The following CCDC57 variants were observed in gnomAD, a reference collection of about 807,000 sequenced individuals.
The protein encoded by CCDC57 is coiled-coil domain-containing protein 57.
A neutral mutation model predicts 118.9 loss-of-function variants in CCDC57; 118 were observed. That is an observed-to-expected ratio of 0.99 (90% confidence interval 0.86 to 1.16). CCDC57 has a LOEUF of 1.16. CCDC57 is among the 50% of genes most tolerant of loss of function. The probability of loss-of-function intolerance (pLI) is 0.00; values close to 1 mark genes in which losing one functional copy is unlikely to be tolerated. For synonymous variants in CCDC57, 527 were observed against 532.9 expected, an observed-to-expected ratio of 0.99 and a Z score of 0.15; for missense variants, 1,300 against 1,320.7, an observed-to-expected ratio of 0.98 and a Z score of 0.24.
At chr17:82,113,573 C>T (rs143943969) in intron 19 of CCDC57, 44 of 717,538 alleles carry the variant, frequency 6.1e-5, no homozygotes, top group African/African-American at 6.1e-4. Flanking sequence ...CATTCCCCCT[C>T]GCATTCCTGG....
In CCDC57 at chr17:82,212,766, C is replaced by CACCTCACCCTAA. The variant is rs1568520642; in HGVS notation, c.-211+18_-211+19insTTAGGGTGAGGT. 3 of 152,256 alleles carry CACCTCACCCTAA rather than the reference C, an allele frequency of 2.0e-5. No individual in the cohort carries two copies. Among genetic ancestry groups the CACCTCACCCTAA allele is most frequent in the Admixed American group, 1.3e-4 (2 of 15,268 alleles). The allele number at this position is 152,256 out of a possible 1,614,324, so 9.4% of individuals were successfully genotyped here. The stretch of plus-strand genomic sequence containing the variant: ...CCCCACGCCTCCCACGCCTCCCACG[C>CACCTCACCCTAA]CGCCCGCCCGCACCTCACCCTAACG... On this transcript the variant is annotated intron_variant, in intron 1 of 19. Transcript: ENST00000665763. This position sits in a 1 kb window ranked among gnomAD's most constrained non-coding sequence, Gnocchi z 4.1.
intron 19 of CCDC57, among the ~76,000 whole-genome samples, chr17:82,109,641 A>G (rs1464744158): frequency 6.6e-6 from 1 of 152,024 alleles, no homozygotes; most frequent in Non-Finnish European, 1.5e-5. Flanking sequence ...GTGGATCACG[A>G]GGTCAGGAGA....
chr17:82,113,831 A>G, intron 19 of CCDC57: 1 of 602,694 alleles, frequency 1.7e-6, no homozygotes, highest in Non-Finnish European at 3.0e-6. Context: ...CTGTAGTCTC[A>G]GCTACTCAGG....
chr17:82,143,499 C>T (rs2040302914), intron 16 of CCDC57, among the ~76,000 whole-genome samples: 1 of 150,938 alleles, frequency 6.6e-6, no homozygotes, highest in Non-Finnish European at 1.5e-5. Flanking sequence ...CACACACACC[C>T]CACACGTGCA....
intron 15 of CCDC57, chr17:82,153,361 A>G (rs2042296832): frequency 6.6e-6 from 1 of 152,188 alleles, no homozygotes; most frequent in African/African-American, 2.4e-5. Flanking sequence ...GATTTTGCAA[A>G]CCTCAAAACA....
intron 4 of CCDC57, among the ~76,000 whole-genome samples, chr17:82,196,911 C>T (rs35104231): frequency 0.43 from 49,290 of 115,206 alleles, 11,845 homozygotes; most frequent in East Asian, 0.86. Context: ...CGCAGCCCCT[C>T]GTGACTCCTG....
At chr17:82,106,068 C>T (rs564591443) in intron 19 of CCDC57, among the ~76,000 whole-genome samples, 28 of 152,378 alleles carry the variant, frequency 1.8e-4, no homozygotes, top group African/African-American at 5.5e-4. Context: ...ACTCCCCCAA[C>T]GGCACTGGCA....
intron 16 of CCDC57, among the ~76,000 whole-genome samples, chr17:82,138,764 G>A (rs2039635743): frequency 6.6e-6 from 1 of 151,086 alleles, no homozygotes; most frequent in African/African-American, 2.4e-5. Flanking sequence ...CTGAGGAACT[G>A]TGTGCTGTGC....
At chr17:82,151,707 C>A (rs1276114641) in exon 16 of CCDC57, 2 of 1,550,304 alleles carry the variant, frequency 1.3e-6, no homozygotes, top group East Asian at 4.9e-5. Context: ...GCACGTGCCA[C>A]TGACCGGAGG....
At chr17:82,153,534 T>C (rs985378222) in intron 15 of CCDC57, 1 of 152,188 alleles carries the variant, frequency 6.6e-6, no homozygotes, top group African/African-American at 2.4e-5. Context: ...AGGGCCCATG[T>C]CCTAGTCACG....
At chr17:82,199,478 A>C (rs1432754912) in intron 3 of CCDC57, among the ~76,000 whole-genome samples, 5 of 103,998 alleles carry the variant, frequency 4.8e-5, no homozygotes, top group African/African-American at 1.9e-4. Context: ...ACTCTGTCTC[A>C]AAAAAAAAAA....
chr17:82,118,733 C>T lies in CCDC57; in HGVS notation c.2899+8959G>A, dbSNP rs572714420. ...CCGCACTGGGTGCCACTCAGTCTGC[C>T]GCGCTTTTTATGTACGCTGACTTTT... On this transcript the variant is annotated intron_variant, in intron 19 of 19. Transcript: ENST00000665763. This position sits in a 1 kb window ranked among gnomAD's most constrained non-coding sequence, Gnocchi z 4.7. Among the ~76,000 whole-genome samples, 1 of 152,142 alleles carries T rather than the reference C, an allele frequency of 6.6e-6. No homozygotes were observed. Among genetic ancestry groups the T allele is most frequent in the African/African-American group, 2.4e-5 (1 of 41,518 alleles).
chr17:82,122,756 G>C (rs977654997), intron 19 of CCDC57, among the ~76,000 whole-genome samples: 1 of 152,206 alleles, frequency 6.6e-6, no homozygotes, highest in African/African-American at 2.4e-5. Context: ...CGGGCACCGA[G>C]CCCCTTCCCC....
Position 82,172,764 on chromosome 17 carries a change from T to A in CCDC57, c.1603A>T (p.Ile535Phe). 6.2e-7 allele frequency: 1 copy of A among 1,612,602 alleles called. No homozygotes were observed. The highest frequency in any genetic ancestry group is 8.5e-7 in the Non-Finnish European group (1 of 1,179,414). ...TCCATTTCTTTCCTCATCTGGGCAA[T>A]CGCGTTTCGCAAGCTCGTGTTCTGC... The change falls in exon 12 of 20, where the codon ATT (isoleucine) becomes TTT (phenylalanine). Residue 535 changes from isoleucine (I) to phenylalanine (F), a missense_variant. Ile to Phe is a conservative substitution (Grantham distance 21, BLOSUM62 0). Coordinates refer to ENST00000665763, the Ensembl canonical transcript of CCDC57. This position sits in a 1 kb window ranked among gnomAD's most constrained non-coding sequence, Gnocchi z 5.2.
exon 17 of CCDC57, chr17:82,134,122 A>C: frequency 7.1e-7 from 1 of 1,416,166 alleles, no homozygotes; most frequent in African/African-American, 1.5e-5. Flanking sequence ...GCTGCGATCC[A>C]AAGGCCTCCT....
At chr17:82,145,566 AAAG>A (rs2040614796) in intron 16 of CCDC57, among the ~76,000 whole-genome samples, 1 of 152,084 alleles carries the variant, frequency 6.6e-6, no homozygotes, top group Non-Finnish European at 1.5e-5. Context: ...TAGCTATCAT[AAAG>A]AAGTTTACTA....
intron 19 of CCDC57, chr17:82,113,776 A>C: frequency 1.5e-6 from 1 of 657,324 alleles, no homozygotes; most frequent in Non-Finnish European, 2.7e-6. Flanking sequence ...CTACAAAAAA[A>C]TAAAATAACA....
At chr17:82,166,520 A>C (rs970239116) in intron 13 of CCDC57, among the ~76,000 whole-genome samples, 4 of 151,736 alleles carry the variant, frequency 2.6e-5, no homozygotes, top group Admixed American at 6.6e-5. Context: ...GTCTCTAAAA[A>C]AAACAAACAA....
intron 19 of CCDC57, among the ~76,000 whole-genome samples, chr17:82,122,613 A>G (rs1476977870): frequency 1.3e-5 from 2 of 150,974 alleles, no homozygotes; most frequent in Non-Finnish European, 3.0e-5. Flanking sequence ...TCTCTGACCC[A>G]GGAGCCTCCT....
Sources: allele counts gnomAD v4.1 joint callset (sites outside exome capture counted in the v4.1 genomes callset), GRCh38; gene constraint gnomAD v4.1.1; non-coding constraint Gnocchi (gnomAD v3.1); transcripts MANE v1.5; gene names NCBI Gene and HGNC (gene_info 2026-07-23, HGNC 2026-07-21).